Variants in KLHL1 observed in about 807,000 individuals in gnomAD.
KLHL1 encodes the protein kelch like family member 1.
Under a neutral mutation model 77.7 loss-of-function variants are expected in KLHL1, and 47 were observed. That is an observed-to-expected ratio of 0.60 (90% CI 0.48 to 0.77). The LOEUF is 0.77. Ranked by LOEUF, KLHL1 falls within the 30% of genes least tolerant of loss-of-function variation. The pLI is 0.00. For synonymous variants in KLHL1, 360 were observed against 325.2 expected, an observed-to-expected ratio of 1.11 and a Z score of -1.15; for missense variants, 925 against 910.8, an observed-to-expected ratio of 1.02 and a Z score of -0.20.
At chr13:69,923,074 T>C (rs1161222485) in intron 4 of KLHL1, among the ~76,000 whole-genome samples, 1 of 152,118 alleles carries the variant, frequency 6.6e-6, no homozygotes, top group Non-Finnish European at 1.5e-5. Context: ...TGTTCTTCCA[T>C]CCTCCTTACC....
intron 1 of KLHL1, among the ~76,000 whole-genome samples, chr13:70,103,345 T>A (rs1593746580): frequency 6.6e-6 from 1 of 152,162 alleles, no homozygotes; most frequent in Non-Finnish European, 1.5e-5. Flanking sequence ...CAGAACCAGG[T>A]AATCCATGGT....
intron 7 of KLHL1, among the ~76,000 whole-genome samples, chr13:69,755,164 G>T (rs866153432): frequency 1.3e-5 from 2 of 152,034 alleles, no homozygotes; most frequent in Admixed American, 1.3e-4. Context: ...GGTTATGAGT[G>T]AGTTCTAGCT....
chr13:69,786,098 T>C (rs998632531), intron 7 of KLHL1, among the ~76,000 whole-genome samples: 2 of 152,166 alleles, frequency 1.3e-5, no homozygotes, highest in African/African-American at 2.4e-5. Flanking sequence ...GCTGGTACCA[T>C]TCCTTCTGAA....
chr13:70,043,586 A>G (rs913087223), intron 1 of KLHL1, among the ~76,000 whole-genome samples: 1 of 152,032 alleles, frequency 6.6e-6, no homozygotes, highest in Non-Finnish European at 1.5e-5. Flanking sequence ...CAGGTATACC[A>G]TTTTTTATCT....
chr13:69,867,148 G>A (rs1880396679), intron 5 of KLHL1, among the ~76,000 whole-genome samples: 1 of 151,998 alleles, frequency 6.6e-6, no homozygotes, highest in African/African-American at 2.4e-5. Context: ...GGAAATAAAA[G>A]CAAACAATTA....
At chr13:69,837,654 A>ATG (rs1269127923) in intron 6 of KLHL1, among the ~76,000 whole-genome samples, 2 of 132,644 alleles carry the variant, frequency 1.5e-5, no homozygotes, top group African/African-American at 6.4e-5. Context: ...GTGTATATAT[A>ATG]TATGTGTGTG....
chr13:69,888,895 A>G (rs1444912213), intron 4 of KLHL1, among the ~76,000 whole-genome samples: 1 of 152,034 alleles, frequency 6.6e-6, no homozygotes, highest in African/African-American at 2.4e-5. Context: ...TTAAAATAAG[A>G]ATTTCTAAGT....
rs1404416504 is a variant in KLHL1 at position 69,791,439 on chromosome 13, T to TA, written c.1639+5298dup. The stretch of plus-strand genomic sequence containing the variant: ...TAGAAATTGATAAACTGATCTTTTT[T>TA]AAAAAAATATGGAAATACAAGGGAC... On this transcript the variant is annotated intron_variant, in intron 7 of 10. Coordinates refer to ENST00000377844, the MANE Select transcript of KLHL1 (RefSeq NM_020866.3). 9.9e-5 allele frequency among the ~76,000 whole-genome samples: 15 copies of TA among 151,960 alleles called. 1 individual carries two copies. The highest frequency in any genetic ancestry group is 1.3e-4 in the Non-Finnish European group (9 of 67,988).
At chr13:69,956,479 C>A (rs1249973888) in intron 3 of KLHL1, among the ~76,000 whole-genome samples, 2 of 151,382 alleles carry the variant, frequency 1.3e-5, no homozygotes, top group African/African-American at 4.8e-5. Context: ...CAAACCTGCA[C>A]TGAACCACTA....
intron 5 of KLHL1, among the ~76,000 whole-genome samples, chr13:69,876,895 T>C (rs769222906): frequency 2.6e-5 from 4 of 151,940 alleles, no homozygotes; most frequent in Non-Finnish European, 5.9e-5. Flanking sequence ...AAATTAGCCG[T>C]GCGTGGTGGC....
chr13:69,978,825 T>C (rs1198716148), intron 1 of KLHL1, among the ~76,000 whole-genome samples: 3 of 152,146 alleles, frequency 2.0e-5, no homozygotes, highest in Non-Finnish European at 2.9e-5. Context: ...GATTTCATAA[T>C]CTAGGAAAAG....
At chr13:69,991,316 G>A (rs1003275306) in intron 1 of KLHL1, among the ~76,000 whole-genome samples, 1 of 151,796 alleles carries the variant, frequency 6.6e-6, no homozygotes, top group African/African-American at 2.4e-5. Flanking sequence ...GAGCTGAACT[G>A]AAGAATATAG....
intron 5 of KLHL1, among the ~76,000 whole-genome samples, chr13:69,860,778 ATGTGTTTTTATTT>A (rs1369016743): frequency 1.3e-5 from 2 of 151,888 alleles, no homozygotes; most frequent in African/African-American, 4.8e-5. Flanking sequence ...AATAAAAACA[ATGTGTTTTTATTT>A]TATCAGATTT....
intron 3 of KLHL1, among the ~76,000 whole-genome samples, chr13:69,940,582 T>C (rs1172649660): frequency 2.6e-5 from 4 of 152,076 alleles, no homozygotes; most frequent in African/African-American, 7.2e-5. Context: ...AGAGATTCTC[T>C]AAGTATCTGA....
At chr13:70,076,266 T>G (rs996910503) in intron 1 of KLHL1, among the ~76,000 whole-genome samples, 2 of 151,914 alleles carry the variant, frequency 1.3e-5, no homozygotes, top group Non-Finnish European at 2.9e-5. Flanking sequence ...GAGAGTGTAG[T>G]ACTGGTGAAA....
chr13:69,922,671 A>G (rs1249255878), intron 4 of KLHL1, among the ~76,000 whole-genome samples: 1 of 152,212 alleles, frequency 6.6e-6, no homozygotes. Flanking sequence ...AATTAAAAAA[A>G]CATATTTATA....
At chr13:69,957,329 G>A (rs766765623) in intron 3 of KLHL1, among the ~76,000 whole-genome samples, 4 of 151,654 alleles carry the variant, frequency 2.6e-5, no homozygotes, top group Non-Finnish European at 4.4e-5. Context: ...ACATAATCCT[G>A]TGCGTTGCCA....
intron 1 of KLHL1, among the ~76,000 whole-genome samples, chr13:70,051,782 G>T (rs1233785124): frequency 6.6e-6 from 1 of 151,960 alleles, no homozygotes; most frequent in South Asian, 2.1e-4. Flanking sequence ...TGACATTATG[G>T]ATTGTTTACC....
chr13:69,935,388 G>A lies in KLHL1; in HGVS notation c.1014+4652C>T, dbSNP rs548098651. Among the ~76,000 whole-genome samples the A allele has an allele frequency of 1.1e-4, 16 of 151,848 alleles. No individual in the cohort carries two copies. In the East Asian group the frequency reaches 2.9e-3, roughly 28 times the overall value. On this transcript the variant is annotated intron_variant, in intron 4 of 10. Transcript: ENST00000377844. ...TACAAAAGTTGTTTTATGTTATCAA[G>A]AAGCTACTATATTAATTGAGCAGAT... is the stretch of plus-strand genomic sequence containing the variant.
Sources: allele counts gnomAD v4.1 joint callset (sites outside exome capture counted in the v4.1 genomes callset), GRCh38; gene constraint gnomAD v4.1.1; transcripts MANE v1.5; gene names NCBI Gene and HGNC (gene_info 2026-07-23, HGNC 2026-07-21).